ROR1: variants seen among roughly 807,000 people sequenced by gnomAD.
The protein encoded by ROR1 is ROR family WNT receptor 1.
A neutral mutation model predicts 78.8 loss-of-function variants in ROR1; 19 were observed. That is an observed-to-expected ratio of 0.24 (90% CI 0.17 to 0.35). The LOEUF is 0.35. Ranked by LOEUF, ROR1 falls within the 10% of genes least tolerant of loss-of-function variation. ROR1 has a pLI of 1.00. For missense variants in ROR1, 917 were observed against 1,177.8 expected (o/e 0.78, Z 3.24); for synonymous variants, 386 against 433.6 (o/e 0.89, Z 1.36).
intron 1 of ROR1, among the ~76,000 whole-genome samples, chr1:63,813,366 G>T (rs144154994): frequency 1.3e-5 from 2 of 152,276 alleles, no homozygotes; most frequent in Non-Finnish European, 2.9e-5. Context: ...ACTTGGAACT[G>T]GGTACCTAGC....
intron 1 of ROR1, among the ~76,000 whole-genome samples, chr1:63,985,622 T>C (rs1646244381): frequency 6.6e-6 from 1 of 152,028 alleles, no homozygotes; most frequent in African/African-American, 2.4e-5. Context: ...CACACATGTA[T>C]GTAATCCCAG....
At chr1:64,149,372 C>A (rs945212670) in intron 7 of ROR1, among the ~76,000 whole-genome samples, 2 of 152,184 alleles carry the variant, frequency 1.3e-5, no homozygotes, top group African/African-American at 4.8e-5. Context: ...TTCAGAGGAA[C>A]ACACATTCCT....
At chr1:64,117,194 A>T (rs1321668127) in intron 4 of ROR1, among the ~76,000 whole-genome samples, 1 of 152,192 alleles carries the variant, frequency 6.6e-6, no homozygotes, top group Non-Finnish European at 1.5e-5. Flanking sequence ...AGGAAAAGAC[A>T]TAACAGACCT....
chr1:64,096,787 A>G (rs982579899), intron 4 of ROR1, among the ~76,000 whole-genome samples: 1 of 151,860 alleles, frequency 6.6e-6, no homozygotes, highest in African/African-American at 2.4e-5. Flanking sequence ...GTCTAATGGT[A>G]TTTCTGTCTT....
chr1:63,805,296 G>T (rs754914494), intron 1 of ROR1, among the ~76,000 whole-genome samples: 2 of 152,200 alleles, frequency 1.3e-5, no homozygotes, highest in Non-Finnish European at 1.5e-5. Flanking sequence ...TGGGAAGCCC[G>T]TGGCCCAGGA....
chr1:63,803,929 G>T (rs1644811820), intron 1 of ROR1, among the ~76,000 whole-genome samples: 1 of 152,156 alleles, frequency 6.6e-6, no homozygotes, highest in Non-Finnish European at 1.5e-5. Flanking sequence ...GAATTGTGCT[G>T]AGTGAACAAA....
intron 1 of ROR1, among the ~76,000 whole-genome samples, chr1:63,810,033 G>T (rs993244514): frequency 2.0e-5 from 3 of 152,170 alleles, no homozygotes; most frequent in Non-Finnish European, 2.9e-5. Flanking sequence ...CAGGCAGCTT[G>T]CCCAGGTTCA....
intron 1 of ROR1, among the ~76,000 whole-genome samples, chr1:63,986,061 T>C (rs1646249199): frequency 6.6e-6 from 1 of 152,082 alleles, no homozygotes; most frequent in Non-Finnish European, 1.5e-5. Flanking sequence ...TAGTCCTTGC[T>C]TTTGGGATAC....
At chr1:63,847,308 C>G (rs1645087400) in intron 1 of ROR1, among the ~76,000 whole-genome samples, 2 of 152,360 alleles carry the variant, frequency 1.3e-5, no homozygotes, top group South Asian at 4.1e-4. Flanking sequence ...GTATTCCCCG[C>G]AAGAACTACT....
At chr1:63,931,057 G>A (rs1369455866) in intron 1 of ROR1, among the ~76,000 whole-genome samples, 1 of 152,162 alleles carries the variant, frequency 6.6e-6, no homozygotes, top group South Asian at 2.1e-4. Flanking sequence ...CAAGAAAGGC[G>A]GATCAGTTGA....
chr1:64,093,731 C>G (rs1343818265), intron 4 of ROR1, among the ~76,000 whole-genome samples: 1 of 152,086 alleles, frequency 6.6e-6, no homozygotes, highest in Non-Finnish European at 1.5e-5. Flanking sequence ...GCCTAAGACC[C>G]CACAGCTAGA....
intron 4 of ROR1, chr1:64,106,669 A>G (rs1647825120): frequency 6.6e-6 from 1 of 152,072 alleles, no homozygotes; most frequent in Admixed American, 6.6e-5. Context: ...ACATGAAGGG[A>G]TGTTGAATTT....
intron 4 of ROR1, among the ~76,000 whole-genome samples, chr1:64,057,146 A>G (rs1487884844): frequency 1.3e-5 from 2 of 152,044 alleles, no homozygotes; most frequent in Non-Finnish European, 2.9e-5. Flanking sequence ...TCTTACATTT[A>G]GGTTTTTGGT....
At chr1:64,142,266 G>T in intron 6 of ROR1, 139 bp from the exon 7 acceptor site, 2 of 1,383,860 alleles carry the variant, frequency 1.4e-6, no homozygotes, top group South Asian at 2.8e-5. Flanking sequence ...AGACTGTCCT[G>T]CATGGCCCCT....
chr1:64,150,689 G>A (rs1041802616), intron 7 of ROR1, among the ~76,000 whole-genome samples: 4 of 152,170 alleles, frequency 2.6e-5, no homozygotes, highest in Non-Finnish European at 5.9e-5. Flanking sequence ...AAGCTTTCTG[G>A]AAGAGTTATT....
intron 8 of ROR1, among the ~76,000 whole-genome samples, chr1:64,175,969 G>A (rs1650367201): frequency 6.6e-6 from 1 of 152,156 alleles, no homozygotes; most frequent in Non-Finnish European, 1.5e-5. Context: ...GGATTTGAAG[G>A]ATGGGGATTA....
chr1:64,058,136 T>TGCTA (rs941877477), intron 4 of ROR1, among the ~76,000 whole-genome samples: 2 of 152,230 alleles, frequency 1.3e-5, no homozygotes, highest in African/African-American at 4.8e-5. Context: ...GTTTATTCAT[T>TGCTA]GCTACTACAT....
chr1:63,863,835 A>T (rs1471903693), intron 1 of ROR1, among the ~76,000 whole-genome samples: 2 of 151,802 alleles, frequency 1.3e-5, no homozygotes, highest in Admixed American at 1.3e-4. Context: ...CAGTTAACCA[A>T]ATGGTCAACT....
At chr1:64,050,665 G>A (rs753374536) in intron 3 of ROR1, 21 bp from the exon 4 acceptor site, 2 of 1,612,448 alleles carry the variant, frequency 1.2e-6, no homozygotes, top group Non-Finnish European at 1.7e-6. Flanking sequence ...TGTTTCTTTT[G>A]TTTTTCTTTC....
Sources: gnomAD v4.1 joint callset for allele counts (sites outside exome capture counted in the v4.1 genomes callset) on GRCh38, gnomAD v4.1.1 for gene constraint, MANE v1.5 for transcripts, NCBI Gene and HGNC (gene_info 2026-07-23, HGNC 2026-07-21) for gene names.